Variants in KAZN observed in about 807,000 individuals in gnomAD.
The protein encoded by KAZN is kazrin.
A neutral mutation model predicts 87.4 loss-of-function variants in KAZN; 40 were observed. The ratio of observed to expected loss-of-function variants is 0.46; its 90% CI spans 0.36 to 0.60. The LOEUF is 0.60. KAZN is among the 20% of genes least tolerant of loss of function. The pLI is 0.00. For missense variants in KAZN, 898 were observed against 1,073.9 expected, an observed-to-expected ratio of 0.84 and a Z score of 2.29; for synonymous variants, 466 against 458.3, an observed-to-expected ratio of 1.02 and a Z score of -0.22.
chr1:14,983,223 C>T (rs907314091), intron 2 of KAZN, among the ~76,000 whole-genome samples: 1 of 152,062 alleles, frequency 6.6e-6, no homozygotes, highest in Non-Finnish European at 1.5e-5. Flanking sequence ...GGTTCATGGG[C>T]GGGGTAAGGC....
intron 4 of KAZN, among the ~76,000 whole-genome samples, chr1:15,050,165 GAATAGA>G (rs1557757069): frequency 0.026 from 1,412 of 53,774 alleles, 33 homozygotes; most frequent in African/African-American, 0.074. Context: ...GAATGGAATA[GAATAGA>G]ATAGAATAGA....
At chr1:14,898,957 CT>C (rs1655559067) in intron 1 of KAZN, among the ~76,000 whole-genome samples, 1 of 152,158 alleles carries the variant, frequency 6.6e-6, no homozygotes, top group Non-Finnish European at 1.5e-5. Context: ...CACAAAAAGC[CT>C]GTGAATGACA....
At position 14,782,567 on chromosome 1, in the gene KAZN, A is replaced by G. The variant is rs868471087; in HGVS notation, c.227-178117A>G. On this transcript the variant is annotated intron_variant, in intron 1 of 14. Coordinates refer to ENST00000376030, the MANE Select transcript of KAZN (RefSeq NM_201628.3). ...CACCTCAAAGAGCAAAAAAAAAAAA[A>G]AAAAAAAAAAAGAAAAGAAAAAGAA... 8.9e-3 allele frequency among the ~76,000 whole-genome samples: 1,347 copies of G among 150,942 alleles called. 25 individuals are homozygous for G. The highest frequency in any genetic ancestry group is 0.031 in the African/African-American group (1,264 of 41,128).
intron 1 of KAZN, among the ~76,000 whole-genome samples, chr1:14,606,913 C>G (rs1415834487): frequency 6.6e-6 from 1 of 152,094 alleles, no homozygotes; most frequent in East Asian, 1.9e-4. Context: ...AAAATTATCC[C>G]TGGTTGCGAA....
intron 5 of KAZN, 128 bp from the exon 6 acceptor site, chr1:15,060,044 C>A: frequency 5.6e-6 from 7 of 1,239,996 alleles, no homozygotes; most frequent in Non-Finnish European, 7.8e-6. Context: ...CCAGGCAAGT[C>A]TCTTCCCTTC....
intron 2 of KAZN, among the ~76,000 whole-genome samples, chr1:14,289,768 C>T (rs1487014992): frequency 1.3e-5 from 2 of 152,184 alleles, no homozygotes; most frequent in Non-Finnish European, 2.9e-5. Context: ...GTAGTTTCTT[C>T]ATAGCATCGA....
At chr1:14,103,123 G>A (rs550637656) in intron 1 of KAZN, among the ~76,000 whole-genome samples, 2 of 152,178 alleles carry the variant, frequency 1.3e-5, no homozygotes, top group South Asian at 2.1e-4. Flanking sequence ...GTCTCACCAT[G>A]TTGGCCAGGC....
At chr1:14,927,027 G>A (rs1298847965) in intron 1 of KAZN, among the ~76,000 whole-genome samples, 2 of 152,216 alleles carry the variant, frequency 1.3e-5, no homozygotes, top group East Asian at 1.9e-4. Context: ...CCTCCAGGGT[G>A]CGTGACCCAG....
At chr1:14,862,917 G>A (rs1438916974) in intron 1 of KAZN, among the ~76,000 whole-genome samples, 1 of 152,166 alleles carries the variant, frequency 6.6e-6, no homozygotes, top group Non-Finnish European at 1.5e-5. Flanking sequence ...TGACAACACT[G>A]AGACAAGCGC....
At chr1:14,873,910 T>C (rs747368563) in intron 1 of KAZN, among the ~76,000 whole-genome samples, 2 of 151,662 alleles carry the variant, frequency 1.3e-5, no homozygotes, top group Non-Finnish European at 2.9e-5. Flanking sequence ...AAAGGAGAAG[T>C]CCAGAATGAT....
chr1:13,925,356 T>G (rs907960593), intron 1 of KAZN, among the ~76,000 whole-genome samples: 1 of 152,216 alleles, frequency 6.6e-6, no homozygotes, highest in Non-Finnish European at 1.5e-5. Context: ...AATGTGGTTA[T>G]GTTGAAAGGA....
intron 2 of KAZN, among the ~76,000 whole-genome samples, chr1:14,501,266 A>G (rs1424543962): frequency 6.6e-6 from 1 of 152,070 alleles, no homozygotes; most frequent in Non-Finnish European, 1.5e-5. Context: ...GGTTCTAGCC[A>G]GCGCAATTAA....
intron 2 of KAZN, among the ~76,000 whole-genome samples, chr1:14,575,359 C>T (rs1171784121): frequency 6.6e-6 from 1 of 152,100 alleles, no homozygotes; most frequent in African/African-American, 2.4e-5. Flanking sequence ...GCAAAAGGCA[C>T]ATCTTACATG....
chr1:14,757,276 T>C (rs1162941089), intron 1 of KAZN, among the ~76,000 whole-genome samples: 16 of 152,212 alleles, frequency 1.1e-4, no homozygotes, highest in Admixed American at 1.0e-3. Context: ...GCTCAGCCCA[T>C]AGTTCTCAAC....
chr1:14,693,338 A>G (rs533003013), intron 1 of KAZN, among the ~76,000 whole-genome samples: 2 of 152,326 alleles, frequency 1.3e-5, no homozygotes, highest in African/African-American at 4.8e-5. Context: ...TCTTCCCACC[A>G]GGAGGAAGGA....
At chr1:14,392,717 A>G (rs1185688056) in intron 2 of KAZN, among the ~76,000 whole-genome samples, 1 of 152,066 alleles carries the variant, frequency 6.6e-6, no homozygotes, top group Non-Finnish European at 1.5e-5. Context: ...AAGTCTGCGA[A>G]CATTGCCAAA....
chr1:14,631,549 C>G (rs1399586547), intron 1 of KAZN, among the ~76,000 whole-genome samples: 2 of 152,158 alleles, frequency 1.3e-5, no homozygotes, highest in Non-Finnish European at 2.9e-5. Context: ...CCTGCTACCT[C>G]TCACCCCAGG....
At chr1:14,592,474 G>A (rs374362290) in intron 2 of KAZN, among the ~76,000 whole-genome samples, 26 of 152,284 alleles carry the variant, frequency 1.7e-4, no homozygotes, top group African/African-American at 4.6e-4. Flanking sequence ...TGCAGATATC[G>A]AGACACTGGG....
chr1:13,922,942 A>G (rs1640120876), intron 1 of KAZN, among the ~76,000 whole-genome samples: 1 of 152,208 alleles, frequency 6.6e-6, no homozygotes, highest in South Asian at 2.1e-4. Context: ...GAACCTAACT[A>G]ATGAGGTTGA....
Sources: gnomAD v4.1 joint callset for allele counts (sites outside exome capture counted in the v4.1 genomes callset) on GRCh38, gnomAD v4.1.1 for gene constraint, MANE v1.5 for transcripts, NCBI Gene and HGNC (gene_info 2026-07-23, HGNC 2026-07-21) for gene names.